Variants in PIBF1 observed in about 807,000 individuals in gnomAD.
The protein encoded by PIBF1 is progesterone-induced-blocking factor 1.
PIBF1 carries 90 observed loss-of-function variants against 112.5 expected under a neutral mutation model. The ratio of observed to expected loss-of-function variants is 0.80; its 90% CI spans 0.67 to 0.95. The LOEUF is 0.95. Among genes scored for constraint, PIBF1 ranks in the 40% least tolerant of loss-of-function variants. The pLI, the probability that PIBF1 is intolerant of heterozygous loss-of-function variation, is 0.00. For synonymous variants in PIBF1, 301 were observed against 288.6 expected, an observed-to-expected ratio of 1.04 and a Z score of -0.44; for missense variants, 915 against 852.3, an observed-to-expected ratio of 1.07 and a Z score of -0.92.
intron 14 of PIBF1, among the ~76,000 whole-genome samples, chr13:72,946,536 C>G (rs2042152903): frequency 6.6e-6 from 1 of 152,104 alleles, no homozygotes; most frequent in African/African-American, 2.4e-5. Flanking sequence ...AACATTAACC[C>G]AAAAGTCCAA....
intron 16 of PIBF1, among the ~76,000 whole-genome samples, chr13:72,979,323 T>G (rs767907545): frequency 6.6e-6 from 1 of 152,252 alleles, no homozygotes; most frequent in Non-Finnish European, 1.5e-5. Context: ...CAAGATTTAC[T>G]GATCACCTTT....
intron 9 of PIBF1, among the ~76,000 whole-genome samples, chr13:72,841,005 A>G (rs930141336): frequency 1.3e-5 from 2 of 152,210 alleles, no homozygotes; most frequent in African/African-American, 2.4e-5. Flanking sequence ...CAGTCATTCC[A>G]CTAGTTCTTG....
intron 17 of PIBF1, among the ~76,000 whole-genome samples, chr13:73,001,720 T>G (rs2043877163): frequency 6.6e-6 from 1 of 150,656 alleles, no homozygotes; most frequent in African/African-American, 2.4e-5. Flanking sequence ...GCCTCCCAGG[T>G]TCAAGTGATT....
At chr13:72,807,101 A>G (rs761755836) in intron 5 of PIBF1, among the ~76,000 whole-genome samples, 6 of 151,700 alleles carry the variant, frequency 4.0e-5, no homozygotes, top group Non-Finnish European at 7.4e-5. Context: ...CTTGGGAGAA[A>G]TGGGCAGACT....
At chr13:72,990,668 T>C (rs539177737) in intron 16 of PIBF1, among the ~76,000 whole-genome samples, 1 of 151,454 alleles carries the variant, frequency 6.6e-6, no homozygotes, top group Admixed American at 6.6e-5. Context: ...GCCAACTTGG[T>C]GAAACCCCAT....
At chr13:73,011,747 T>C (rs1171068561) in intron 17 of PIBF1, among the ~76,000 whole-genome samples, 1 of 152,216 alleles carries the variant, frequency 6.6e-6, no homozygotes, top group East Asian at 1.9e-4. Context: ...AAGGCCCATT[T>C]ACGGCAGTTT....
intron 9 of PIBF1, among the ~76,000 whole-genome samples, chr13:72,848,831 CAAAA>C (rs1250173775): frequency 2.1e-5 from 2 of 93,890 alleles, no homozygotes; most frequent in African/African-American, 8.5e-5. Flanking sequence ...GACTCCGTCT[CAAAA>C]AAAAAAAAAA....
Position 72,795,517 on chromosome 13 carries a change from C to T in PIBF1, c.512C>T (p.Ala171Val), listed in dbSNP as rs1303131942. ...LTEEQYIKLK[A>V]FPEDQLSIPE... is the part of the protein sequence containing the mutation. ...GAAGAGCAATATATTAAATTAAAAG[C>T]TTTTCCTGAAGATCAGCTTTCTATT... Residue 171 changes from alanine (A) to valine (V), a missense_variant, in exon 4 of 18, where the codon GCT (alanine) becomes GTT (valine). Coordinates refer to ENST00000326291, the MANE Select transcript of PIBF1 (RefSeq NM_006346.4). 1.2e-6 allele frequency: 2 copies of T among 1,601,240 alleles called. No individual in the cohort carries two copies. Among genetic ancestry groups the T allele is most frequent in the East Asian group, 4.5e-5 (2 of 44,666 alleles).
intron 16 of PIBF1, among the ~76,000 whole-genome samples, chr13:72,983,167 G>A (rs2043194381): frequency 6.6e-6 from 1 of 151,926 alleles, no homozygotes; most frequent in Non-Finnish European, 1.5e-5. Context: ...TAGCATGGTG[G>A]CACAAACCTG....
In PIBF1 at chr13:72,844,754, C is replaced by CACACACGGATGAAGTCTTACTGTTT. The variant is rs1555296152; in HGVS notation, c.1224-9297_1224-9296insGGATGAAGTCTTACTGTTTACACAC. Among the ~76,000 whole-genome samples the CACACACGGATGAAGTCTTACTGTTT allele has an allele frequency of 4.0e-4, 41 of 102,194 alleles. 2 individuals carry two copies. The highest frequency in any genetic ancestry group is 5.8e-4 in the Admixed American group (6 of 10,412). The allele number at this position is 102,194 out of a possible 152,430, so 67.0% of individuals were successfully genotyped here. A position where few individuals can be genotyped will look rare whatever the true frequency, so the allele number is the denominator to read the frequency against. On this transcript the variant is annotated intron_variant, in intron 9 of 17. Transcript: ENST00000326291. ...ACACACACACACACACACACACACA[C>CACACACGGATGAAGTCTTACTGTTT]ACACACACACACACACACACACACA...
intron 11 of PIBF1, among the ~76,000 whole-genome samples, chr13:72,901,506 T>C (rs1388513100): frequency 6.6e-6 from 1 of 151,916 alleles, no homozygotes; most frequent in Non-Finnish European, 1.5e-5. Context: ...CTGGCCAACA[T>C]GTGAAACCCT....
chr13:73,004,383 C>T (rs995846590), intron 17 of PIBF1, among the ~76,000 whole-genome samples: 1 of 151,418 alleles, frequency 6.6e-6, no homozygotes, highest in Non-Finnish European at 1.5e-5. Flanking sequence ...CCCAGCTACT[C>T]AGGAGGCTGA....
chr13:72,866,651 A>C (rs150054756), intron 10 of PIBF1, among the ~76,000 whole-genome samples: 1 of 152,268 alleles, frequency 6.6e-6, no homozygotes, highest in African/African-American at 2.4e-5. Flanking sequence ...GTAGTTATAC[A>C]TTTTTAACAG....
intron 6 of PIBF1, 45 bp downstream of exon 6, chr13:72,822,027 G>A: frequency 2.0e-6 from 3 of 1,512,190 alleles, no homozygotes; most frequent in Non-Finnish European, 2.7e-6. Context: ...TATTTTTAGG[G>A]TGCATCAAAG....
rs780215613 is a variant in PIBF1, at chr13:72,936,174, G to A, written c.1833+4907G>A. 2.0e-4 allele frequency among the ~76,000 whole-genome samples: 30 copies of A among 152,014 alleles called. No homozygotes were observed. The Middle Eastern group carries it at 0.01, about 52-fold the overall frequency. On this transcript the variant is annotated intron_variant, in intron 14 of 17. Transcript: ENST00000326291. ...CCTTAGCCTCCCAAATACTAGGACT[G>A]CAGTTACCTGCAACCACACCTGGCT...
intron 14 of PIBF1, among the ~76,000 whole-genome samples, chr13:72,940,140 A>G: frequency 6.6e-6 from 1 of 152,114 alleles, no homozygotes. Context: ...GAGGACTTCA[A>G]TGAGATATAT....
At chr13:72,961,215 C>T (rs747587232) in intron 14 of PIBF1, among the ~76,000 whole-genome samples, 2 of 152,026 alleles carry the variant, frequency 1.3e-5, no homozygotes, top group Non-Finnish European at 2.9e-5. Context: ...TCCTCCTTAC[C>T]CAGCCAACCT....
intron 11 of PIBF1, chr13:72,901,213 A>G (rs1328076696): frequency 1.2e-5 from 3 of 242,178 alleles, no homozygotes; most frequent in Non-Finnish European, 2.6e-5. Context: ...TCAAATCAGT[A>G]AAAAAAACAA....
chr13:72,937,777 T>C (rs1376391564), intron 14 of PIBF1, among the ~76,000 whole-genome samples: 2 of 152,112 alleles, frequency 1.3e-5, no homozygotes, highest in African/African-American at 4.8e-5. Flanking sequence ...ATCGCGCCAC[T>C]TCACTCCAGC....
Sources: allele counts gnomAD v4.1 joint callset (sites outside exome capture counted in the v4.1 genomes callset), GRCh38; gene constraint gnomAD v4.1.1; transcripts MANE v1.5; gene names NCBI Gene and HGNC (gene_info 2026-07-23, HGNC 2026-07-21).